FBXW11: variants seen among roughly 807,000 people sequenced by gnomAD.
FBXW11 encodes F-box/WD repeat-containing protein 11.
FBXW11 carries 19 observed loss-of-function variants against 77.6 expected under a neutral mutation model. The observed-to-expected ratio is 0.24, with a 90% CI of 0.17 to 0.36. The LOEUF is 0.36. FBXW11 is among the 10% of genes least tolerant of loss of function. The pLI is 1.00. For synonymous variants in FBXW11, 235 were observed against 249.4 expected (o/e 0.94, Z 0.54); for missense variants, 334 against 704.2 (o/e 0.47, Z 5.95).
In FBXW11 at chr5:171,906,798, G is replaced by A. The variant is rs575666689; in HGVS notation, c.436+3774C>T. On this transcript the variant is annotated intron_variant, in intron 4 of 13. Coordinates refer to ENST00000517395, the MANE Select transcript of FBXW11 (RefSeq NM_001378974.1). The stretch of plus-strand genomic sequence containing the variant: ...CAGCACCCATGCTTTTTCCTGTCAC[G>A]CTGCTCTGGCCGTGTACCCATCCTA... 4.1e-4 allele frequency among the ~76,000 whole-genome samples: 62 copies of A among 152,246 alleles called. 1 individual carries two copies. The highest frequency in any genetic ancestry group is 1.1e-3 in the African/African-American group (45 of 41,558).
Position 172,006,511 on chromosome 5 carries a change from C to G in FBXW11, c.-9G>C. On this transcript the variant is annotated 5_prime_UTR_variant, in exon 1 of 14. Coordinates refer to ENST00000517395, the MANE Select transcript of FBXW11 (RefSeq NM_001378974.1). The stretch of plus-strand genomic sequence containing the variant: ...ACCGAGTCGGGCTCCATGGCGGCCC[C>G]GGCGGCCCCGCCTCGCTCTCCCCGC... The G allele has an allele frequency of 6.6e-7, 1 of 1,505,640 alleles. No homozygotes were observed. The highest frequency in any genetic ancestry group is 8.9e-7 in the Non-Finnish European group (1 of 1,125,832). 93.3% of individuals were successfully genotyped at this position (1,505,640 alleles called of 1,614,324 possible). A position where few individuals can be genotyped will look rare whatever the true frequency, so the allele number is the denominator to read the frequency against.
At chr5:171,900,152 C>T (rs759145948) in intron 4 of FBXW11, 52 bp from the exon 5 acceptor site, 2 of 1,440,884 alleles carry the variant, frequency 1.4e-6, no homozygotes, top group African/African-American at 1.4e-5. Flanking sequence ...AGAAAGGTAC[C>T]AGCCATCATT....
intron 7 of FBXW11, among the ~76,000 whole-genome samples, chr5:171,883,032 T>G (rs1006512953): frequency 6.6e-6 from 1 of 152,026 alleles, no homozygotes; most frequent in Non-Finnish European, 1.5e-5. Flanking sequence ...TGAGAACATA[T>G]GATGTTTGGT....
chr5:171,989,126 G>A (rs1477625480), intron 1 of FBXW11, among the ~76,000 whole-genome samples: 3 of 152,094 alleles, frequency 2.0e-5, no homozygotes, highest in Non-Finnish European at 2.9e-5. Context: ...GCAGTGAACT[G>A]AAATTGCACC....
chr5:171,912,953 T>C (rs778056919), intron 3 of FBXW11, among the ~76,000 whole-genome samples: 3 of 151,984 alleles, frequency 2.0e-5, no homozygotes, highest in African/African-American at 7.2e-5. Context: ...AACATGCTTA[T>C]GAAATAATAT....
intron 7 of FBXW11, among the ~76,000 whole-genome samples, chr5:171,879,131 T>C (rs1758337977): frequency 6.6e-6 from 1 of 152,138 alleles, no homozygotes; most frequent in African/African-American, 2.4e-5. Context: ...ACACTCTGAG[T>C]GTTCCTTTTC....
At chr5:171,924,396 C>G (rs983288039) in intron 2 of FBXW11, among the ~76,000 whole-genome samples, 1 of 152,174 alleles carries the variant, frequency 6.6e-6, no homozygotes, top group Admixed American at 6.5e-5. Context: ...ATGCTACTTA[C>G]TGCCCGCACC....
chr5:171,992,441 AG>A (rs1321514197), intron 1 of FBXW11, among the ~76,000 whole-genome samples: 1 of 151,634 alleles, frequency 6.6e-6, no homozygotes, highest in African/African-American at 2.4e-5. Flanking sequence ...AAAGAGAGAA[AG>A]GGGGAGAGAG....
chr5:171,877,402 G>A lies in FBXW11; in HGVS notation c.971+609C>T, dbSNP rs188513951. ...AAGTCATGATGCCTCATCAATCACC[G>A]CATCCACTTCTTTACCCAGCTGCTT... On this transcript the variant is annotated intron_variant, in intron 8 of 13. Transcript: ENST00000517395. 2.5e-3 allele frequency among the ~76,000 whole-genome samples: 375 copies of A among 152,220 alleles called. 3 individuals are homozygous for A. Among genetic ancestry groups the A allele is most frequent in the Non-Finnish European group, 1.0e-3 (71 of 68,014 alleles).
At chr5:171,929,929 CA>C (rs936904016) in intron 2 of FBXW11, among the ~76,000 whole-genome samples, 2 of 151,688 alleles carry the variant, frequency 1.3e-5, no homozygotes, top group African/African-American at 2.4e-5. Flanking sequence ...CAAAGACTGA[CA>C]AAAAAAATGA....
At chr5:171,873,676 T>C (rs965070998) in intron 9 of FBXW11, among the ~76,000 whole-genome samples, 9 of 152,206 alleles carry the variant, frequency 5.9e-5, no homozygotes, top group Non-Finnish European at 1.0e-4. Flanking sequence ...TTTCATATCA[T>C]CCTCTTTTCC....
chr5:171,874,769 A>C (rs1435050145), intron 9 of FBXW11, among the ~76,000 whole-genome samples: 1 of 150,492 alleles, frequency 6.6e-6, no homozygotes, highest in African/African-American at 2.4e-5. Flanking sequence ...AAAAAAAAAA[A>C]AAAAAAAAGG....
intron 9 of FBXW11, among the ~76,000 whole-genome samples, chr5:171,874,752 CAAAAAAAAA>C (rs34775989): frequency 1.0e-4 from 4 of 38,152 alleles, no homozygotes; most frequent in Non-Finnish European, 1.8e-4. Flanking sequence ...CTGGTCTCTA[CAAAAAAAAA>C]AAAAAAAAAA....
At chr5:171,913,059 C>G (rs914548314) in intron 3 of FBXW11, among the ~76,000 whole-genome samples, 1 of 152,080 alleles carries the variant, frequency 6.6e-6, no homozygotes, top group South Asian at 2.1e-4. Flanking sequence ...AAAGGATATA[C>G]ATCAAAATCT....
chr5:172,006,003 C>G (rs753574875), intron 1 of FBXW11, among the ~76,000 whole-genome samples: 18 of 152,206 alleles, frequency 1.2e-4, no homozygotes, highest in African/African-American at 4.3e-4. Context: ...TCCTAGGACG[C>G]GGAGGCCCAG....
intron 6 of FBXW11, among the ~76,000 whole-genome samples, chr5:171,896,415 G>A (rs1204709954): frequency 6.6e-6 from 1 of 152,168 alleles, no homozygotes; most frequent in South Asian, 2.1e-4. Flanking sequence ...CCCATAACTG[G>A]ACTAAAACAG....
chr5:171,950,200 T>C (rs1763231797), intron 2 of FBXW11, among the ~76,000 whole-genome samples: 1 of 152,182 alleles, frequency 6.6e-6, no homozygotes, highest in African/African-American at 2.4e-5. Context: ...TTATTTTTAG[T>C]AATACTTTTA....
chr5:171,967,883 T>TATATATATACAC (rs1244744249), intron 1 of FBXW11, among the ~76,000 whole-genome samples: 3 of 74,978 alleles, frequency 4.0e-5, no homozygotes, highest in African/African-American at 1.8e-4. Context: ...TATATATATA[T>TATATATATACAC]ACACACACAC....
chr5:171,964,056 A>G (rs1373220283), intron 1 of FBXW11, among the ~76,000 whole-genome samples: 1 of 152,236 alleles, frequency 6.6e-6, no homozygotes, highest in Non-Finnish European at 1.5e-5. Context: ...GACCCTTGGC[A>G]GCTGCAGCCA....
Sources: allele counts gnomAD v4.1 joint callset (sites outside exome capture counted in the v4.1 genomes callset), GRCh38; gene constraint gnomAD v4.1.1; transcripts MANE v1.5; gene names NCBI Gene and HGNC (gene_info 2026-07-23, HGNC 2026-07-21).